Variants in IRAK2 observed in about 807,000 individuals in gnomAD.
IRAK2 encodes the protein interleukin 1 receptor associated kinase 2.
Under a neutral mutation model 72.0 loss-of-function variants are expected in IRAK2, and 57 were observed. That is an observed-to-expected ratio of 0.79 (90% CI 0.64 to 0.99). The LOEUF is 0.99. Ranked by LOEUF, IRAK2 falls within the 50% of genes least tolerant of loss-of-function variation. The pLI is 0.00. For missense variants in IRAK2, 790 were observed against 794.4 expected, an observed-to-expected ratio of 0.99 and a Z score of 0.07; for synonymous variants, 293 against 312.7, an observed-to-expected ratio of 0.94 and a Z score of 0.67.
At chr3:10,180,368 C>A (rs1209692690) in intron 2 of IRAK2, among the ~76,000 whole-genome samples, 1 of 152,158 alleles carries the variant, frequency 6.6e-6, no homozygotes, top group Non-Finnish European at 1.5e-5. Flanking sequence ...ACAGTTAATG[C>A]ATAGGAAAAC....
At chr3:10,171,915 G>A (rs913639758) in intron 1 of IRAK2, among the ~76,000 whole-genome samples, 7 of 151,352 alleles carry the variant, frequency 4.6e-5, no homozygotes, top group African/African-American at 7.3e-5. Context: ...ACAGGCGCCC[G>A]CCACCACACT....
At chr3:10,186,807 A>ATT (rs1697081869) in intron 2 of IRAK2, among the ~76,000 whole-genome samples, 3 of 118,810 alleles carry the variant, frequency 2.5e-5, no homozygotes, top group Non-Finnish European at 4.8e-5. Flanking sequence ...TTTTTTTTAA[A>ATT]TAGAGACAGA....
At chr3:10,205,708 G>T (rs1246628728) in intron 3 of IRAK2, among the ~76,000 whole-genome samples, 2 of 152,218 alleles carry the variant, frequency 1.3e-5, no homozygotes, top group Non-Finnish European at 2.9e-5. Context: ...CACAAATATA[G>T]ATCATGTGTA....
rs375599382 is a variant in IRAK2 at position 10,234,561 on chromosome 3, C to G, written c.1375C>G (p.Leu459Val). 6.2e-7 allele frequency: 1 copy of G among 1,614,064 alleles called. No homozygotes were observed. ...VMAKEICQKY[L>V]EKGAGRLPED... Reference sequence around the variant, plus strand: ...GGCAAAGGAGATCTGCCAGAAGTACCTGGAGAAGGGCGCAGGGAGGCTTCC... The same window carrying G: ...GGCAAAGGAGATCTGCCAGAAGTACGTGGAGAAGGGCGCAGGGAGGCTTCC... Residue 459 changes from leucine to valine, a missense_variant, in exon 11 of 13, where the codon CTG becomes GTG. Coordinates refer to ENST00000256458, the MANE Select transcript of IRAK2 (RefSeq NM_001570.4).
intron 1 of IRAK2, among the ~76,000 whole-genome samples, chr3:10,177,149 C>T (rs952599088): frequency 6.6e-6 from 1 of 152,152 alleles, no homozygotes; most frequent in Non-Finnish European, 1.5e-5. Context: ...GTTGCCCAGG[C>T]TGGTCTTGAA....
chr3:10,182,697 A>C (rs1236199850), intron 2 of IRAK2, among the ~76,000 whole-genome samples: 2 of 151,468 alleles, frequency 1.3e-5, no homozygotes, highest in Non-Finnish European at 2.9e-5. Flanking sequence ...AGGCTGAGCC[A>C]CTGCGCCAGG....
intron 9 of IRAK2, among the ~76,000 whole-genome samples, chr3:10,224,410 G>A (rs926528774): frequency 1.3e-5 from 2 of 151,648 alleles, no homozygotes; most frequent in Non-Finnish European, 2.9e-5. Flanking sequence ...TTTCAGCTGT[G>A]TGACTTACAC....
intron 2 of IRAK2, among the ~76,000 whole-genome samples, chr3:10,181,533 G>C (rs1696959789): frequency 6.6e-6 from 1 of 152,118 alleles, no homozygotes; most frequent in East Asian, 1.9e-4. Context: ...CTGGGAGGCG[G>C]AGGTTGCAGT....
At chr3:10,194,581 C>T (rs1170232323) in intron 2 of IRAK2, among the ~76,000 whole-genome samples, 2 of 152,290 alleles carry the variant, frequency 1.3e-5, no homozygotes, top group South Asian at 4.1e-4. Context: ...TTCACTAGCT[C>T]TCTGGTGTGC....
chr3:10,220,803 T>C (rs1433153477), intron 8 of IRAK2, among the ~76,000 whole-genome samples: 1 of 151,984 alleles, frequency 6.6e-6, no homozygotes, highest in Non-Finnish European at 1.5e-5. Context: ...AATGAAAGGG[T>C]GAGAGAGGTC....
chr3:10,189,223 G>C (rs577933279), intron 2 of IRAK2, among the ~76,000 whole-genome samples: 1 of 152,300 alleles, frequency 6.6e-6, no homozygotes, highest in Non-Finnish European at 1.5e-5. Context: ...AGTGAAACTT[G>C]AGCCTCCTCC....
At chr3:10,236,718 C>T (rs1384863440) in intron 11 of IRAK2, among the ~76,000 whole-genome samples, 1 of 152,072 alleles carries the variant, frequency 6.6e-6, no homozygotes, top group East Asian at 1.9e-4. Context: ...CTCCTTCAAC[C>T]AATTATTCTT....
chr3:10,196,217 C>T (rs1327221673), intron 2 of IRAK2, among the ~76,000 whole-genome samples: 2 of 152,210 alleles, frequency 1.3e-5, no homozygotes, highest in Admixed American at 6.5e-5. Flanking sequence ...CAGGTTCAAG[C>T]GATTCTCCTG....
chr3:10,234,197 A>C (rs1697911825), intron 10 of IRAK2, among the ~76,000 whole-genome samples: 1 of 151,986 alleles, frequency 6.6e-6, no homozygotes, highest in African/African-American at 2.4e-5. Flanking sequence ...CATTTTCCTG[A>C]TGAACCAACC....
At chr3:10,234,246 A>C (rs1393670771) in intron 10 of IRAK2, among the ~76,000 whole-genome samples, 1 of 152,126 alleles carries the variant, frequency 6.6e-6, no homozygotes, top group African/African-American at 2.4e-5. Context: ...TTGTGGCATG[A>C]GTTCACTATG....
intron 4 of IRAK2, among the ~76,000 whole-genome samples, chr3:10,212,742 G>A (rs974839906): frequency 6.6e-6 from 1 of 151,146 alleles, no homozygotes; most frequent in Admixed American, 6.6e-5. Flanking sequence ...GCTGGGATTT[G>A]AGCTTGGGCC....
At chr3:10,228,581 A>G (rs115424474) in intron 10 of IRAK2, among the ~76,000 whole-genome samples, 2,277 of 152,274 alleles carry the variant, frequency 0.015, 32 homozygotes, top group Middle Eastern at 0.044. Flanking sequence ...TTTTTTGCTA[A>G]TGATTTCTAA....
At chr3:10,221,209 G>T (rs184086684) in intron 8 of IRAK2, among the ~76,000 whole-genome samples, 116 of 148,980 alleles carry the variant, frequency 7.8e-4, no homozygotes, top group Middle Eastern at 3.5e-3. Context: ...TGGCTAACAC[G>T]GTGAAACCTC....
intron 10 of IRAK2, among the ~76,000 whole-genome samples, chr3:10,233,731 T>C (rs1415862415): frequency 6.6e-6 from 1 of 152,224 alleles, no homozygotes; most frequent in Non-Finnish European, 1.5e-5. Flanking sequence ...ATATAAATGG[T>C]AGCTATTATT....
Sources: gnomAD v4.1 joint callset for allele counts (sites outside exome capture counted in the v4.1 genomes callset) on GRCh38, gnomAD v4.1.1 for gene constraint, MANE v1.5 for transcripts, NCBI Gene and HGNC (gene_info 2026-07-23, HGNC 2026-07-21) for gene names.